The following OBSL1 variants were observed in gnomAD, a reference collection of about 807,000 sequenced individuals.
OBSL1 encodes the protein obscurin-like protein 1.
Under a neutral mutation model 172.0 loss-of-function variants are expected in OBSL1, and 160 were observed. The ratio of observed to expected loss-of-function variants is 0.93; its 90% CI spans 0.82 to 1.06. OBSL1 has a LOEUF of 1.06. Among genes scored for constraint, OBSL1 ranks in the 50% least tolerant of loss-of-function variants. The pLI, the probability that OBSL1 is intolerant of heterozygous loss-of-function variation, is 0.00. For missense variants in OBSL1, 2,681 were observed against 2,715.4 expected (o/e 0.99, Z 0.28); for synonymous variants, 1,200 against 1,196.3 (o/e 1.00, Z -0.06).
Position 219,550,790 on chromosome 2 carries a change from C to T in OBSL1, c.*45G>A, listed in dbSNP as rs1695558671. On this transcript the variant is annotated 3_prime_UTR_variant, in exon 21 of 21. Transcript: ENST00000404537. ...CCCTGCCCAGGGTAAGGGCAAACGC[C>T]TTCCAAGCTGTCCAAGGGCACCCGC... The T allele has an allele frequency of 1.2e-6, 2 of 1,604,526 alleles. No individual in the cohort carries two copies. The highest frequency in any genetic ancestry group is 1.3e-5 in the African/African-American group (1 of 74,780).
chr2:219,562,895 AGGGGACCAC>A lies in OBSL1; in HGVS notation c.2681-230_2681-222del, dbSNP rs1327575960. ...TTTCTGCTGCGCAGGAGCTGCACAG[AGGGGACCAC>A]GGGGTCAGCCTCGGCTGTAGAAACG... On this transcript the variant is annotated intron_variant, in intron 7 of 20. Transcript: ENST00000404537. 28 of 592,966 alleles carry A rather than the reference AGGGGACCAC, an allele frequency of 4.7e-5. No individual in the cohort carries two copies. In the East Asian group the frequency reaches 7.8e-4, roughly 17 times the overall value. 36.7% of individuals were successfully genotyped at this position (592,966 alleles called of 1,614,324 possible).
rs146512743 is a variant in OBSL1, at chr2:219,552,246, G to C, written c.5309-30C>G. On this transcript the variant is annotated intron_variant, in intron 18 of 20. Transcript: ENST00000404537. ...GGGTGAGGGGGTCGCTAGCGAGGCC[G>C]GAGCCACCTCTGAGGAGCGTTGGGG... 2,807 of 1,552,266 alleles carry C rather than the reference G, an allele frequency of 1.8e-3. 40 individuals are homozygous for C. In the African/African-American group the frequency reaches 0.032, roughly 18 times the overall value.
Position 219,570,519 on chromosome 2 carries a change from G to A in OBSL1, c.714C>T (p.Asp238=). Residue 238 remains aspartate (D), a synonymous_variant, in exon 1 of 21, where the codon GAC becomes GAT. Coordinates refer to ENST00000404537, the MANE Select transcript of OBSL1 (RefSeq NM_015311.3). ...GCTCCACCACCGGCGCGGGGGCCTC[G>A]TCGGGGTCCGCGGGCGGGCTCTCGG... ...QPPESPPADP[D]EAPAPVVEPL... is the part of the protein sequence containing the mutation. 6.2e-7 allele frequency: 1 copy of A among 1,610,376 alleles called. No homozygotes were observed. The highest frequency in any genetic ancestry group is 1.3e-5 in the African/African-American group (1 of 74,800).
Position 219,568,995 on chromosome 2 carries a change from C to T in OBSL1, c.1013-671G>A, listed in dbSNP as rs1194703776. 6.6e-6 allele frequency among the ~76,000 whole-genome samples: 1 copy of T among 151,560 alleles called. No individual in the cohort carries two copies. ...AACTCCTGACCTCAAATGATCCGCC[C>T]ACCTTAGTCTCCCAAAGTGCTGGGA... On this transcript the variant is annotated intron_variant, in intron 1 of 20. Transcript: ENST00000404537. This position sits in a 1 kb window ranked among gnomAD's most constrained non-coding sequence, Gnocchi z 4.1.
In OBSL1 at chr2:219,556,227, G is replaced by A; in HGVS notation, c.4402C>T (p.Leu1468Phe). 1 of 1,608,700 alleles carries A rather than the reference G, an allele frequency of 6.2e-7. No homozygotes were observed. The highest frequency in any genetic ancestry group is 8.5e-7 in the Non-Finnish European group (1 of 1,176,490). Residue 1468 changes from leucine (L) to phenylalanine (F), a missense_variant, in exon 14 of 21, where the codon CTC becomes TTC. Leu to Phe is a conservative substitution (Grantham distance 22, BLOSUM62 0). Coordinates refer to ENST00000404537, the MANE Select transcript of OBSL1 (RefSeq NM_015311.3). ...CCCACTCGGCCTGTCTCCACTTCGA[G>A]ACACACATCCTGGCCTTCCTCTGCC... Reference protein sequence around the residue: ...VRAEEGQDVCLEVETGRVGAA... With the variant: ...VRAEEGQDVCFEVETGRVGAA...
At chr2:219,570,184 C>G in intron 1 of OBSL1, 37 bp downstream of exon 1, 1 of 1,484,788 alleles carries the variant, frequency 6.7e-7, no homozygotes, top group Non-Finnish European at 9.0e-7. Flanking sequence ...TCGGAGGACA[C>G]TCGAGGCCCC....
At chr2:219,560,003 T>C (rs1377850785) in intron 8 of OBSL1, among the ~76,000 whole-genome samples, 2 of 152,210 alleles carry the variant, frequency 1.3e-5, no homozygotes, top group African/African-American at 4.8e-5. Flanking sequence ...CAAAAAGCCT[T>C]TTGATTTTGA....
Position 219,552,684 on chromosome 2 carries a change from C to A in OBSL1, c.5160G>T (p.Ala1720=), listed in dbSNP as rs751432671. The stretch of plus-strand genomic sequence containing the variant: ...TCACCGACCGCAGCTCGGAGAGTAC[C>A]GCCACAGTACGCTCTGGGGCGGAGC... The part of the protein sequence containing the change: ...VRLTVRERTV[A]VLSELRSVSA... The change falls in exon 18 of 21, where the codon GCG becomes GCT. Residue 1720 remains alanine, a synonymous_variant. Transcript: ENST00000404537. The A allele has an allele frequency of 1.2e-5, 19 of 1,529,794 alleles. No individual in the cohort carries two copies. The highest frequency in any genetic ancestry group is 8.3e-5 in the South Asian group (7 of 83,942). 94.8% of individuals were successfully genotyped at this position (1,529,794 alleles called of 1,614,324 possible).
In OBSL1 at chr2:219,556,439, T is replaced by G; in HGVS notation, c.4336+15A>C. On this transcript the variant is annotated intron_variant, in intron 13 of 20. Coordinates refer to ENST00000404537, the MANE Select transcript of OBSL1 (RefSeq NM_015311.3). ...GCACGGGACACAGAGTATCTCATCC[T>G]CATCAGGACCTAACCTCGAACATGG... The G allele has an allele frequency of 6.2e-7, 1 of 1,613,528 alleles. No individual in the cohort carries two copies. The highest frequency in any genetic ancestry group is 2.2e-5 in the East Asian group (1 of 44,862).
chr2:219,547,814 C>T, downstream of OBSL1: 1 of 1,591,882 alleles, frequency 6.3e-7, no homozygotes, highest in South Asian at 1.1e-5. Flanking sequence ...GGGCGGCCTG[C>T]TCTGTGCCCT....
chr2:219,564,602 G>C (rs1407744650), intron 6 of OBSL1, among the ~76,000 whole-genome samples: 1 of 152,224 alleles, frequency 6.6e-6, no homozygotes, highest in Non-Finnish European at 1.5e-5. Context: ...CAACCCAGCA[G>C]AGGCTATGTG....
intron 7 of OBSL1, chr2:219,562,904 C>A: frequency 3.5e-6 from 2 of 572,100 alleles, no homozygotes; most frequent in South Asian, 5.0e-5. Flanking sequence ...GAGGGGACCA[C>A]GGGGTCAGCC....
In OBSL1 at chr2:219,563,566, C is replaced by A; in HGVS notation, c.2469G>T (p.Glu823Asp). 1 of 1,613,874 alleles carries A rather than the reference C, an allele frequency of 6.2e-7. No homozygotes were observed. The highest frequency in any genetic ancestry group is 1.1e-5 in the South Asian group (1 of 91,066). Residue 823 changes from glutamate to aspartate, a missense_variant, in exon 7 of 21, where the codon GAG (glutamate) becomes GAT (aspartate). Coordinates refer to ENST00000404537, the MANE Select transcript of OBSL1 (RefSeq NM_015311.3). ...EHVFVHAITS[E>D]CVMLACEVDR... ...CCACCTCACAGGCCAGCATGACACA[C>A]TCGGAAGTTATGGCATGCACGAACA...
chr2:219,567,845 C>G lies in OBSL1; in HGVS notation c.1407G>C (p.Pro469=). The G allele has an allele frequency of 6.2e-7, 1 of 1,613,962 alleles. No homozygotes were observed. Among genetic ancestry groups the G allele is most frequent in the Non-Finnish European group, 8.5e-7 (1 of 1,179,900 alleles). ...GRWSRDGEEL[P]VICQSSSGHM... is the part of the protein sequence containing the mutation. ...GGCCTGAGCTGCTCTGGCAGATGAC[C>G]GGCAGCTCCTCCCCATCACGGCTCC... The change falls in exon 3 of 21, where the codon CCG becomes CCC. Residue 469 remains proline, a synonymous_variant. Transcript: ENST00000404537.
In OBSL1 at chr2:219,554,482, A is replaced by G. The variant is rs1332592987; in HGVS notation, c.4868T>C (p.Ile1623Thr). The change falls in exon 15 of 21, where the codon ATT (isoleucine) becomes ACT (threonine). Residue 1623 changes from isoleucine to threonine, a missense_variant. This residue lies in a region of OBSL1 where 1,765 missense variants were observed against 1,748.3 expected (regional missense o/e 1.01). Transcript: ENST00000404537. The part of the protein sequence containing the change: ...ADSLRCAARL[I>T]VREVPVTIVR... The stretch of plus-strand genomic sequence containing the variant: ...GGTCCTGGAGGCCACACCTCTCACA[A>G]TGAGTCTGGCTGCGCAGCGCAGGGA... 14 of 1,612,870 alleles carry G rather than the reference A, an allele frequency of 8.7e-6. No homozygotes were observed. The Admixed American group carries it at 1.5e-4, about 17-fold the overall frequency.
chr2:219,558,628 G>T (rs770110316), intron 9 of OBSL1, among the ~76,000 whole-genome samples, 169 bp from the exon 10 acceptor site: 3 of 152,230 alleles, frequency 2.0e-5, no homozygotes, highest in Non-Finnish European at 4.4e-5. Flanking sequence ...AGAACCCTGT[G>T]TTTTTTCAAT....
chr2:219,559,364 C>T lies in OBSL1; in HGVS notation c.3087G>A (p.Val1029=), dbSNP rs761250639. ...PVRWYKDGLE[V]EESEALVLER... ...CCAGCACCAGGGCCTCGCTCTCCTC[C>T]ACTTCCAGCCCATCCTTGTACCAGC... The change falls in exon 9 of 21, where the codon GTG becomes GTA. Residue 1029 remains valine, a synonymous_variant. Coordinates refer to ENST00000404537, the MANE Select transcript of OBSL1 (RefSeq NM_015311.3). 1.3e-5 allele frequency: 21 copies of T among 1,614,030 alleles called. 2 individuals carry two copies. The South Asian group carries it at 2.1e-4, about 16-fold the overall frequency.
chr2:219,550,447 T>G (rs534675944), downstream of OBSL1: 5 of 225,800 alleles, frequency 2.2e-5, no homozygotes, highest in East Asian at 4.3e-4. Flanking sequence ...TGGGCTGGGT[T>G]GGGAAGGGAG....
At chr2:219,565,582 G>T in intron 5 of OBSL1, 68 bp from the exon 6 acceptor site, 1 of 1,502,556 alleles carries the variant, frequency 6.7e-7, no homozygotes, top group Admixed American at 1.7e-5. Context: ...GGATGCATCA[G>T]AGGGAACAAC....
Sources: allele counts gnomAD v4.1 joint callset (sites outside exome capture counted in the v4.1 genomes callset), GRCh38; gene constraint gnomAD v4.1.1; regional missense constraint gnomAD v4.1.1; non-coding constraint Gnocchi (gnomAD v3.1); transcripts MANE v1.5; gene names NCBI Gene and HGNC (gene_info 2026-07-23, HGNC 2026-07-21).